The following DSCAML1 variants were observed in gnomAD, a reference collection of about 807,000 sequenced individuals.
DSCAML1 encodes the protein cell adhesion molecule DSCAML1.
Under a neutral mutation model 200.5 loss-of-function variants are expected in DSCAML1, and 38 were observed. The observed-to-expected ratio is 0.19, with a 90% CI of 0.15 to 0.25. DSCAML1 has a LOEUF of 0.25. DSCAML1 is among the 10% of genes least tolerant of loss of function. DSCAML1 has a pLI of 1.00. For synonymous variants in DSCAML1, 1,215 were observed against 1,165.0 expected (o/e 1.04, Z -0.87); for missense variants, 2,223 against 2,858.8 (o/e 0.78, Z 5.07).
intron 1 of DSCAML1, among the ~76,000 whole-genome samples, chr11:117,811,852 G>A (rs1475037661): frequency 6.6e-6 from 1 of 152,068 alleles, no homozygotes; most frequent in Non-Finnish European, 1.5e-5. Context: ...AATCAATACG[G>A]AGGCTACCCA....
Position 117,738,554 on chromosome 11 carries a change from A to C in DSCAML1, c.511+38237T>G, listed in dbSNP as rs1021643271. On this transcript the variant is annotated intron_variant, in intron 3 of 32. Coordinates refer to ENST00000651296, the MANE Select transcript of DSCAML1 (RefSeq NM_020693.4). The stretch of plus-strand genomic sequence containing the variant: ...TGCAGACTGCTTGTGTGTCCATATG[A>C]AATGTACCTACAAGTGTAATCATAA... Among the ~76,000 whole-genome samples the C allele has an allele frequency of 4.6e-5, 7 of 152,272 alleles. No homozygotes were observed. In the South Asian group the frequency reaches 1.5e-3, roughly 32 times the overall value.
chr11:117,447,456 C>T (rs147294413), intron 20 of DSCAML1, among the ~76,000 whole-genome samples: 1 of 152,286 alleles, frequency 6.6e-6, no homozygotes, highest in African/African-American at 2.4e-5. Flanking sequence ...GACTGGAAGA[C>T]TATATACCAG....
chr11:117,618,744 G>A (rs1431528596), intron 3 of DSCAML1, among the ~76,000 whole-genome samples: 1 of 152,138 alleles, frequency 6.6e-6, no homozygotes, highest in Non-Finnish European at 1.5e-5. Flanking sequence ...AGCAGGGAGG[G>A]AGGGGGATGC....
At chr11:117,748,291 G>C (rs1443473877) in intron 3 of DSCAML1, among the ~76,000 whole-genome samples, 1 of 152,188 alleles carries the variant, frequency 6.6e-6, no homozygotes, top group Non-Finnish European at 1.5e-5. Context: ...GGGAATCCAA[G>C]CTGCTGCTGA....
chr11:117,434,696 T>C (rs1170016422), intron 27 of DSCAML1, among the ~76,000 whole-genome samples: 2 of 152,206 alleles, frequency 1.3e-5, no homozygotes, highest in Admixed American at 6.5e-5. Flanking sequence ...CTTCTATCTA[T>C]ACATCCTTCC....
chr11:117,741,063 C>T (rs1328202001), intron 3 of DSCAML1, among the ~76,000 whole-genome samples: 2 of 152,226 alleles, frequency 1.3e-5, no homozygotes, highest in African/African-American at 4.8e-5. Context: ...TCTTTGTTTT[C>T]TTATTTATAA....
At chr11:117,658,869 G>A (rs2052785121) in intron 3 of DSCAML1, among the ~76,000 whole-genome samples, 1 of 152,184 alleles carries the variant, frequency 6.6e-6, no homozygotes, top group Non-Finnish European at 1.5e-5. Flanking sequence ...TTGAGCAAAT[G>A]TTGGTTAACT....
At chr11:117,643,634 C>T (rs974927890) in intron 3 of DSCAML1, among the ~76,000 whole-genome samples, 1 of 152,102 alleles carries the variant, frequency 6.6e-6, no homozygotes, top group South Asian at 2.1e-4. Flanking sequence ...GTGAGTGGGG[C>T]GGTCCACTCT....
intron 3 of DSCAML1, among the ~76,000 whole-genome samples, chr11:117,724,954 G>T (rs1281913990): frequency 6.6e-6 from 1 of 152,248 alleles, no homozygotes; most frequent in Non-Finnish European, 1.5e-5. Flanking sequence ...CAAGACACTG[G>T]AAGGAAATGG....
At chr11:117,589,549 T>C (rs2051217851) in intron 3 of DSCAML1, among the ~76,000 whole-genome samples, 1 of 152,222 alleles carries the variant, frequency 6.6e-6, no homozygotes, top group Non-Finnish European at 1.5e-5. Flanking sequence ...CGTCTTCGTA[T>C]GCACCAGGGA....
At position 117,642,633 on chromosome 11, in the gene DSCAML1, C is replaced by T. The variant is rs1193653873; in HGVS notation, c.512-110111G>A. Reference sequence around the variant, plus strand: ...GCAGTGCCTGAGGGAGCCCTTCCATCCCTGCCCATAGTTGCAGTGGCCCAG... The same window carrying T: ...GCAGTGCCTGAGGGAGCCCTTCCATTCCTGCCCATAGTTGCAGTGGCCCAG... On this transcript the variant is annotated intron_variant, in intron 3 of 32. Transcript: ENST00000651296. The surrounding 1 kb of genome is among the most constrained non-coding windows in gnomAD (Gnocchi z 4.1). 6.6e-6 allele frequency among the ~76,000 whole-genome samples: 1 copy of T among 152,250 alleles called. No individual in the cohort carries two copies. The highest frequency in any genetic ancestry group is 1.5e-5 in the Non-Finnish European group (1 of 68,042).
At chr11:117,530,976 T>C (rs930165575) in intron 4 of DSCAML1, among the ~76,000 whole-genome samples, 4 of 152,154 alleles carry the variant, frequency 2.6e-5, no homozygotes, top group African/African-American at 9.7e-5. Context: ...ATCCATTTGG[T>C]GAGTTGTGGC....
At chr11:117,444,100 C>A in intron 20 of DSCAML1, 61 bp from the exon 21 acceptor site, 1 of 1,545,376 alleles carries the variant, frequency 6.5e-7, no homozygotes, top group Non-Finnish European at 8.8e-7. Context: ...GCGTCCAAAT[C>A]TTCCTCAGTG....
In DSCAML1 at chr11:117,458,745, T is replaced by A; in HGVS notation, c.3568+9A>T. On this transcript the variant is annotated intron_variant, in intron 19 of 32. Coordinates refer to ENST00000651296, the MANE Select transcript of DSCAML1 (RefSeq NM_020693.4). ...GGCCAGCCTGTCCCAAGGAGAGGCC[T>A]GGACTCACCGTCCTCCTTGGTCTGG... The A allele has an allele frequency of 1.2e-6, 2 of 1,611,630 alleles. No homozygotes were observed. The highest frequency in any genetic ancestry group is 1.7e-6 in the Non-Finnish European group (2 of 1,179,860).
chr11:117,776,858 G>A lies in DSCAML1; in HGVS notation c.444C>T (p.Ile148=). ...RGNVAVFKCL[I]PSSVQEYVSV... ...TAACATATTCCTGCACTGAAGAGGG[G>A]ATGAGGCACTTGAAGACGGCCACGT... The change falls in exon 3 of 33, where the codon ATC becomes ATT. Residue 148 remains isoleucine (I), a synonymous_variant. Transcript: ENST00000651296. 1 of 1,614,210 alleles carries A rather than the reference G, an allele frequency of 6.2e-7. No homozygotes were observed. The highest frequency in any genetic ancestry group is 8.5e-7 in the Non-Finnish European group (1 of 1,180,028).
At chr11:117,717,957 G>A (rs761941786) in intron 3 of DSCAML1, among the ~76,000 whole-genome samples, 1 of 152,186 alleles carries the variant, frequency 6.6e-6, no homozygotes, top group Non-Finnish European at 1.5e-5. Context: ...CTTCAGGGAG[G>A]AATCCTTGGC....
At chr11:117,501,708 G>A (rs1206005254) in intron 11 of DSCAML1, among the ~76,000 whole-genome samples, 2 of 152,166 alleles carry the variant, frequency 1.3e-5, no homozygotes, top group Non-Finnish European at 2.9e-5. Flanking sequence ...TGAGAGCCAC[G>A]CAGGAGCCAT....
In DSCAML1 at chr11:117,488,203, A is replaced by G. The variant is rs148808838; in HGVS notation, c.2360-6041T>C. ...GCCCTGCACCCAGCCTCCAAGGACC[A>G]CGGTGTCCTCCTGTGCCCACAAATA... On this transcript the variant is annotated intron_variant, in intron 11 of 32. Coordinates refer to ENST00000651296, the MANE Select transcript of DSCAML1 (RefSeq NM_020693.4). 1.6e-4 allele frequency among the ~76,000 whole-genome samples: 25 copies of G among 152,316 alleles called. No individual in the cohort carries two copies. In the East Asian group the frequency reaches 4.2e-3, roughly 26 times the overall value.
At position 117,498,939 on chromosome 11, in the gene DSCAML1, G is replaced by A. The variant is rs575322450; in HGVS notation, c.2359+4906C>T. On this transcript the variant is annotated intron_variant, in intron 11 of 32. Transcript: ENST00000651296. This position sits in a 1 kb window ranked among gnomAD's most constrained non-coding sequence, Gnocchi z 4.0. ...CTAGAACCCAATCACTGGTGCCTTC[G>A]CAGAGTGGAAGAGAGTCTGGGAGGT... Among the ~76,000 whole-genome samples, 3 of 152,302 alleles carry A rather than the reference G, an allele frequency of 2.0e-5. No homozygotes were observed. Among genetic ancestry groups the A allele is most frequent in the South Asian group, 2.1e-4 (1 of 4,824 alleles).
Sources: allele counts gnomAD v4.1 joint callset (sites outside exome capture counted in the v4.1 genomes callset), GRCh38; gene constraint gnomAD v4.1.1; non-coding constraint Gnocchi (gnomAD v3.1); transcripts MANE v1.5; gene names NCBI Gene and HGNC (gene_info 2026-07-23, HGNC 2026-07-21).